BBS9: variants seen among roughly 807,000 people sequenced by gnomAD.
BBS9 encodes the protein protein PTHB1.
In BBS9, 89 loss-of-function variants were observed where a neutral mutation model predicts 117.7. That is an observed-to-expected ratio of 0.76 (90% CI 0.64 to 0.90). The LOEUF (loss-of-function observed/expected upper bound fraction) is 0.90. Among genes scored for constraint, BBS9 ranks in the 40% least tolerant of loss-of-function variants. The pLI, the probability that BBS9 is intolerant of heterozygous loss-of-function variation, is 0.00. For synonymous variants in BBS9, 379 were observed against 370.9 expected, an observed-to-expected ratio of 1.02 and a Z score of -0.25; for missense variants, 982 against 1,042.2, an observed-to-expected ratio of 0.94 and a Z score of 0.80.
chr7:33,615,146 A>G (rs1865065842), intron 21 of BBS9, among the ~76,000 whole-genome samples: 1 of 152,026 alleles, frequency 6.6e-6, no homozygotes, highest in South Asian at 2.1e-4. Context: ...CACATTACTA[A>G]AGGCTTGTTT....
chr7:33,305,466 G>A (rs1434817894), intron 9 of BBS9, among the ~76,000 whole-genome samples: 1 of 152,118 alleles, frequency 6.6e-6, no homozygotes, highest in African/African-American at 2.4e-5. Flanking sequence ...CTATTTTTCA[G>A]AATAGTTTGA....
At chr7:33,262,527 G>T (rs1346827283) in intron 6 of BBS9, among the ~76,000 whole-genome samples, 1 of 152,166 alleles carries the variant, frequency 6.6e-6, no homozygotes, top group Non-Finnish European at 1.5e-5. Flanking sequence ...AGTTCAGAAT[G>T]TGAGGTCTAA....
chr7:33,340,793 T>G, intron 10 of BBS9, 104 bp from the exon 11 acceptor site: 4 of 895,602 alleles, frequency 4.5e-6, no homozygotes, highest in Non-Finnish European at 6.8e-6. Context: ...TGAGTATGTT[T>G]ATGGGGTTTT....
At chr7:33,161,704 C>T (rs1460342869) in intron 4 of BBS9, among the ~76,000 whole-genome samples, 4 of 152,192 alleles carry the variant, frequency 2.6e-5, no homozygotes, top group African/African-American at 9.7e-5. Context: ...ACACTGCCTT[C>T]CACGATGGTT....
intron 19 of BBS9, 136 bp downstream of exon 19, chr7:33,388,280 T>C: frequency 9.2e-7 from 1 of 1,090,648 alleles, no homozygotes; most frequent in Non-Finnish European, 1.3e-6. Flanking sequence ...GCACAAGCTT[T>C]AGAGTCAGAA....
intron 21 of BBS9, among the ~76,000 whole-genome samples, chr7:33,600,720 G>A (rs191127075): frequency 3.3e-5 from 5 of 152,284 alleles, no homozygotes; most frequent in African/African-American, 7.2e-5. Context: ...CAATGCCTGA[G>A]CCATCAGTGG....
chr7:33,527,848 G>A (rs892448208), intron 20 of BBS9, among the ~76,000 whole-genome samples: 3 of 152,162 alleles, frequency 2.0e-5, no homozygotes, highest in Non-Finnish European at 2.9e-5. Context: ...GGATTTCACT[G>A]ATTACAGTCA....
chr7:33,167,218 G>A (rs1795836188), intron 4 of BBS9, among the ~76,000 whole-genome samples: 1 of 152,110 alleles, frequency 6.6e-6, no homozygotes, highest in Non-Finnish European at 1.5e-5. Flanking sequence ...ACTGATAACT[G>A]AAAGTTATAG....
chr7:33,297,929 C>G (rs760706487), intron 9 of BBS9, among the ~76,000 whole-genome samples: 2 of 151,956 alleles, frequency 1.3e-5, no homozygotes, highest in African/African-American at 4.8e-5. Flanking sequence ...ATGGTTTTAC[C>G]GTAGTGAACC....
At chr7:33,146,107 A>G (rs369462693) in intron 1 of BBS9, 135 bp from the exon 2 acceptor site, 10 of 640,946 alleles carry the variant, frequency 1.6e-5, no homozygotes, top group African/African-American at 3.7e-5. Context: ...GTGGTTTCAA[A>G]TATGTGTACA....
chr7:33,524,684 T>A (rs1182730808), intron 20 of BBS9, among the ~76,000 whole-genome samples: 5 of 152,184 alleles, frequency 3.3e-5, no homozygotes, highest in Non-Finnish European at 7.4e-5. Flanking sequence ...ATTTTGTTGA[T>A]CCTTTCAAAA....
intron 1 of BBS9, among the ~76,000 whole-genome samples, chr7:33,145,861 G>A (rs887270963): frequency 2.0e-5 from 3 of 152,138 alleles, no homozygotes; most frequent in Non-Finnish European, 2.9e-5. Context: ...GTGCAGTCTC[G>A]CCAATGACTA....
chr7:33,442,200 A>G (rs928826844), intron 19 of BBS9, among the ~76,000 whole-genome samples: 2 of 152,156 alleles, frequency 1.3e-5, no homozygotes, highest in Non-Finnish European at 2.9e-5. Flanking sequence ...CTGCTGGCGT[A>G]TGCTTCTAAG....
intron 19 of BBS9, among the ~76,000 whole-genome samples, chr7:33,419,418 A>G (rs1377884371): frequency 6.6e-6 from 1 of 152,104 alleles, no homozygotes; most frequent in Non-Finnish European, 1.5e-5. Context: ...TGTTGATGGA[A>G]ATGGGGAGCT....
intron 5 of BBS9, among the ~76,000 whole-genome samples, chr7:33,205,192 A>G (rs1786670536): frequency 6.6e-6 from 1 of 152,180 alleles, no homozygotes; most frequent in Non-Finnish European, 1.5e-5. Context: ...TCTCGACCAG[A>G]GAATTCTCTG....
At chr7:33,147,336 A>G (rs1300081365) in intron 2 of BBS9, among the ~76,000 whole-genome samples, 1 of 152,180 alleles carries the variant, frequency 6.6e-6, no homozygotes, top group Non-Finnish European at 1.5e-5. Context: ...GCATATAAAT[A>G]TTATCCCCTT....
chr7:33,317,610 C>G (rs1427165142), intron 9 of BBS9, among the ~76,000 whole-genome samples: 4 of 152,178 alleles, frequency 2.6e-5, no homozygotes, highest in African/African-American at 9.7e-5. Flanking sequence ...GAGTTTGTCT[C>G]CTCTCTCTTC....
intron 11 of BBS9, among the ~76,000 whole-genome samples, chr7:33,343,892 A>T (rs1817034155): frequency 6.6e-6 from 1 of 152,096 alleles, no homozygotes; most frequent in Non-Finnish European, 1.5e-5. Context: ...CACATACCTT[A>T]CACAGGGTGA....
chr7:33,457,440 C>G (rs1418211834), intron 19 of BBS9, among the ~76,000 whole-genome samples: 1 of 152,006 alleles, frequency 6.6e-6, no homozygotes, highest in Non-Finnish European at 1.5e-5. Context: ...TTTCTCTGTA[C>G]CAAAGAAAAA....
Sources: gnomAD v4.1 joint callset for allele counts (sites outside exome capture counted in the v4.1 genomes callset) on GRCh38, gnomAD v4.1.1 for gene constraint, MANE v1.5 for transcripts, NCBI Gene and HGNC (gene_info 2026-07-23, HGNC 2026-07-21) for gene names.